Variants in GABBR2 observed in about 807,000 individuals in gnomAD.
GABBR2 encodes gamma-aminobutyric acid type B receptor subunit 2.
A neutral mutation model predicts 105.6 loss-of-function variants in GABBR2; 23 were observed. The ratio of observed to expected loss-of-function variants is 0.22; its 90% CI spans 0.16 to 0.31. The LOEUF (loss-of-function observed/expected upper bound fraction) is 0.31, where lower values mean the gene tolerates loss of function less well. Among genes scored for constraint, GABBR2 ranks in the 10% least tolerant of loss-of-function variants. The pLI is 1.00. For synonymous variants in GABBR2, 478 were observed against 499.7 expected (o/e 0.96, Z 0.58); for missense variants, 734 against 1,245.5 (o/e 0.59, Z 6.18).
chr9:98,401,771 T>C (rs763215379), intron 8 of GABBR2, among the ~76,000 whole-genome samples: 11 of 152,212 alleles, frequency 7.2e-5, no homozygotes, highest in Non-Finnish European at 1.6e-4. Context: ...AGTATTCTAG[T>C]AGGTTCTGGG....
intron 6 of GABBR2, among the ~76,000 whole-genome samples, chr9:98,466,405 G>A (rs752285656): frequency 9.2e-5 from 14 of 152,194 alleles, no homozygotes; most frequent in Admixed American, 3.3e-4. Context: ...CTTGACCTGG[G>A]TGGTAGTTAC....
Position 98,504,179 on chromosome 9 carries a change from G to T in GABBR2, c.631-7665C>A, listed in dbSNP as rs137948377. 2.4e-3 allele frequency among the ~76,000 whole-genome samples: 362 copies of T among 152,264 alleles called. 2 individuals carry two copies. The highest frequency in any genetic ancestry group is 8.0e-3 in the African/African-American group (333 of 41,544). On this transcript the variant is annotated intron_variant, in intron 3 of 18. Transcript: ENST00000259455. ...GCACCCCGAGCAGAACCTGACTATG[G>T]CAGAGGAGAAAATGGAGAGAAGGAA...
intron 13 of GABBR2, among the ~76,000 whole-genome samples, chr9:98,344,775 C>G (rs530716826): frequency 1.1e-4 from 16 of 152,252 alleles, no homozygotes; most frequent in African/African-American, 3.6e-4. Flanking sequence ...TCTCACTGCA[C>G]CCACTTTCTC....
At chr9:98,700,922 C>T (rs1165695054) in intron 1 of GABBR2, among the ~76,000 whole-genome samples, 3 of 152,196 alleles carry the variant, frequency 2.0e-5, no homozygotes, top group East Asian at 1.9e-4. Context: ...CCACCCAGGA[C>T]GACCTCTGAC....
chr9:98,624,877 T>G (rs1829714148), intron 1 of GABBR2, among the ~76,000 whole-genome samples: 1 of 152,134 alleles, frequency 6.6e-6, no homozygotes, highest in Non-Finnish European at 1.5e-5. Context: ...AAGGCTTTTC[T>G]CTCTCTGGAC....
intron 1 of GABBR2, among the ~76,000 whole-genome samples, chr9:98,665,317 A>T (rs1003565621): frequency 5.9e-5 from 9 of 151,910 alleles, no homozygotes; most frequent in Non-Finnish European, 1.2e-4. Flanking sequence ...GCTCAACAAA[A>T]AAAGAAAAGA....
chr9:98,395,313 G>A (rs1034508744), intron 8 of GABBR2, among the ~76,000 whole-genome samples: 9 of 152,096 alleles, frequency 5.9e-5, no homozygotes, highest in Non-Finnish European at 1.2e-4. Context: ...CAAATACAAG[G>A]GGAAGAATAA....
intron 7 of GABBR2, among the ~76,000 whole-genome samples, chr9:98,431,480 G>A (rs1381531621): frequency 6.6e-6 from 1 of 151,786 alleles, no homozygotes; most frequent in African/African-American, 2.4e-5. Flanking sequence ...TGATGGAAAA[G>A]GTGATAGAAA....
chr9:98,550,240 G>A (rs7048105), intron 2 of GABBR2, among the ~76,000 whole-genome samples: 3 of 152,212 alleles, frequency 2.0e-5, no homozygotes, highest in Non-Finnish European at 4.4e-5. Context: ...CCGAGGCTTA[G>A]AGGTTAAAAA....
rs138346207 is a variant in GABBR2 at position 98,303,335 on chromosome 9, G to A, written c.2318C>T (p.Thr773Met). The change falls in exon 16 of 19, where the codon ACG (threonine) becomes ATG (methionine). Residue 773 changes from threonine to methionine, a missense_variant. This residue lies in a region of GABBR2 where 91 missense variants were observed against 185.9 expected (regional missense o/e 0.49). Transcript: ENST00000259455. ...TQNQKKEDSK[T>M]STSVTSVNQA... is the part of the protein sequence containing the mutation. Reference sequence around the variant, plus strand: ...GTTCACACTGGTGACCGAGGTGGACGTTTTAGAATCTTCTTTCTTCTGATT... The same window carrying A: ...GTTCACACTGGTGACCGAGGTGGACATTTTAGAATCTTCTTTCTTCTGATT... 362 of 1,614,006 alleles carry A rather than the reference G, an allele frequency of 2.2e-4. 2 individuals carry two copies. In the East Asian group the frequency reaches 7.3e-3, roughly 32 times the overall value.
intron 11 of GABBR2, among the ~76,000 whole-genome samples, chr9:98,374,264 A>G (rs1207080681): frequency 1.3e-5 from 2 of 152,228 alleles, no homozygotes; most frequent in African/African-American, 4.8e-5. Context: ...ACTCAATCAT[A>G]TAATTAGTCA....
chr9:98,471,773 A>T (rs1039626571), intron 6 of GABBR2, among the ~76,000 whole-genome samples: 1 of 152,114 alleles, frequency 6.6e-6, no homozygotes, highest in Non-Finnish European at 1.5e-5. Context: ...ATATTTTTAG[A>T]TTAAAATACA....
At chr9:98,341,401 T>G (rs1302915697) in intron 13 of GABBR2, among the ~76,000 whole-genome samples, 1 of 152,254 alleles carries the variant, frequency 6.6e-6, no homozygotes, top group African/African-American at 2.4e-5. Context: ...TTTAATAACT[T>G]AATCTAGAAT....
chr9:98,566,334 A>C (rs1271552220), intron 2 of GABBR2, among the ~76,000 whole-genome samples: 2 of 152,144 alleles, frequency 1.3e-5, no homozygotes, highest in African/African-American at 4.8e-5. Flanking sequence ...AATTTTCCTC[A>C]ACAAAATAGT....
At position 98,708,837 on chromosome 9, in the gene GABBR2, C is replaced by T; in HGVS notation, c.-100G>A. ...TCTTCCCGCGGCGCCCGCGCAATGG[C>T]GCCGGCCCGGGCCCCGGCTCCGTCT... On this transcript the variant is annotated 5_prime_UTR_variant, in exon 1 of 19. Transcript: ENST00000259455. 1.5e-6 allele frequency: 1 copy of T among 674,916 alleles called. No individual in the cohort carries two copies. The highest frequency in any genetic ancestry group is 2.0e-5 in the African/African-American group (1 of 51,064). 41.8% of individuals were successfully genotyped at this position (674,916 alleles called of 1,614,324 possible).
In GABBR2 at chr9:98,388,617, CTCTGTGTGTGTGTG is replaced by C. The variant is rs1832118495; in HGVS notation, c.1529+223_1529+236del. ...ACTCCTGTGCAACCAGCAGCCTGGC[CTCTGTGTGTGTGTG>C]TGTGTGTGTGTGTGTGTGTGTGTGT... is the stretch of plus-strand genomic sequence containing the variant. On this transcript the variant is annotated intron_variant, in intron 10 of 18. Coordinates refer to ENST00000259455, the MANE Select transcript of GABBR2 (RefSeq NM_005458.8). The surrounding 1 kb of genome is among the most constrained non-coding windows in gnomAD (Gnocchi z 4.4). Among the ~76,000 whole-genome samples, 1 of 124,048 alleles carries C rather than the reference CTCTGTGTGTGTGTG, an allele frequency of 8.1e-6. No homozygotes were observed. Among genetic ancestry groups the C allele is most frequent in the African/African-American group, 3.7e-5 (1 of 27,148 alleles). 81.4% of individuals were successfully genotyped at this position (124,048 alleles called of 152,430 possible).
rs548545228 is a variant in GABBR2, at chr9:98,438,322, C to A, written c.1236+15659G>T. 7.2e-5 allele frequency among the ~76,000 whole-genome samples: 11 copies of A among 152,310 alleles called. No individual in the cohort carries two copies. The South Asian group carries it at 2.1e-3, about 29-fold the overall frequency. On this transcript the variant is annotated intron_variant, in intron 7 of 18. Coordinates refer to ENST00000259455, the MANE Select transcript of GABBR2 (RefSeq NM_005458.8). ...CACATTCCCACCCCTCCACCCATCC[C>A]CCAACCCATGTCTCCACCACTCTAC... is the stretch of plus-strand genomic sequence containing the variant.
intron 13 of GABBR2, among the ~76,000 whole-genome samples, chr9:98,331,015 G>A (rs932012340): frequency 1.6e-4 from 25 of 152,166 alleles, no homozygotes; most frequent in Admixed American, 9.8e-4. Flanking sequence ...GGCCTTTTGC[G>A]TCTGGCTTCT....
intron 1 of GABBR2, among the ~76,000 whole-genome samples, chr9:98,608,987 A>T (rs2779536): frequency 0.099 from 15,090 of 152,206 alleles, 1,269 homozygotes; most frequent in East Asian, 0.43. Context: ...GTTTCTACCT[A>T]TATGCAGTCT....
Sources: allele counts gnomAD v4.1 joint callset (sites outside exome capture counted in the v4.1 genomes callset), GRCh38; gene constraint gnomAD v4.1.1; regional missense constraint gnomAD v4.1.1; non-coding constraint Gnocchi (gnomAD v3.1); transcripts MANE v1.5; gene names NCBI Gene and HGNC (gene_info 2026-07-23, HGNC 2026-07-21).